The following CDH8 variants were observed in gnomAD, a reference collection of about 807,000 sequenced individuals.
CDH8 encodes the protein cadherin 8, also known as cadherin-8.
CDH8 carries 17 observed loss-of-function variants against 68.1 expected under a neutral mutation model. The observed-to-expected ratio is 0.25, with a 90% CI of 0.17 to 0.37. CDH8 has a LOEUF of 0.37. Ranked by LOEUF, CDH8 falls within the 10% of genes least tolerant of loss-of-function variation. The probability of loss-of-function intolerance (pLI) is 1.00; values close to 1 mark genes in which losing one functional copy is unlikely to be tolerated. For synonymous variants in CDH8, 372 were observed against 365.1 expected (o/e 1.02, Z -0.21); for missense variants, 763 against 999.3 (o/e 0.76, Z 3.19).
At chr16:61,686,749 C>T (rs1430316131) in intron 10 of CDH8, among the ~76,000 whole-genome samples, 1 of 151,876 alleles carries the variant, frequency 6.6e-6, no homozygotes, top group Non-Finnish European at 1.5e-5. Context: ...GAAACCCTGA[C>T]AGAGCTGGGT....
intron 2 of CDH8, among the ~76,000 whole-genome samples, chr16:61,982,747 C>T (rs1444732827): frequency 1.3e-5 from 2 of 152,130 alleles, no homozygotes; most frequent in African/African-American, 4.8e-5. Context: ...GAAAGTAATT[C>T]TCAAGTTTCA....
intron 2 of CDH8, among the ~76,000 whole-genome samples, chr16:61,959,986 A>G (rs199805500): frequency 0.014 from 686 of 49,070 alleles, 34 homozygotes; most frequent in East Asian, 0.046. Context: ...GTGTGTGTGT[A>G]TATATATATA....
intron 10 of CDH8, among the ~76,000 whole-genome samples, chr16:61,659,701 G>C (rs1963519301): frequency 6.6e-6 from 1 of 151,948 alleles, no homozygotes; most frequent in Non-Finnish European, 1.5e-5. Flanking sequence ...CTGCCCTAAG[G>C]TTTAGCTGTC....
intron 9 of CDH8, among the ~76,000 whole-genome samples, chr16:61,719,629 A>G (rs1959202263): frequency 6.6e-6 from 1 of 151,118 alleles, no homozygotes; most frequent in African/African-American, 2.4e-5. Flanking sequence ...ATAGCTTAGA[A>G]GAATCAACAC....
At chr16:61,960,195 A>G (rs202191554) in intron 2 of CDH8, among the ~76,000 whole-genome samples, 6 of 101,542 alleles carry the variant, frequency 5.9e-5, no homozygotes, top group East Asian at 3.3e-4. Flanking sequence ...GTGTGTGTAT[A>G]CACATACATA....
At chr16:61,917,062 AGTGTGTGTGTGTGT>A (rs57232370) in intron 2 of CDH8, among the ~76,000 whole-genome samples, 43 of 137,388 alleles carry the variant, frequency 3.1e-4, no homozygotes, top group African/African-American at 1.0e-3. Context: ...TTTACCTATT[AGTGTGTGTGTGTGT>A]GTGTGTGTGT....
Position 61,916,222 on chromosome 16 carries a change from A to G in CDH8, c.253-14749T>C, listed in dbSNP as rs1259566303. ...TCTTTATCCACTCTGATTATTAAAA[A>G]CATTGTGTCGGCCAGGCATTGTGGC... On this transcript the variant is annotated intron_variant, in intron 2 of 11. Coordinates refer to ENST00000577390, the MANE Select transcript of CDH8 (RefSeq NM_001796.5). Among the ~76,000 whole-genome samples, 3 of 152,196 alleles carry G rather than the reference A, an allele frequency of 2.0e-5. No individual in the cohort carries two copies. The East Asian group carries it at 5.8e-4, about 29-fold the overall frequency.
chr16:61,773,061 G>C (rs182580078), intron 8 of CDH8, among the ~76,000 whole-genome samples: 1 of 152,068 alleles, frequency 6.6e-6, no homozygotes, highest in East Asian at 1.9e-4. Flanking sequence ...ATCCTTAACT[G>C]AATAGGCTTT....
chr16:61,870,582 T>C (rs769744442), intron 3 of CDH8, among the ~76,000 whole-genome samples: 1 of 152,164 alleles, frequency 6.6e-6, no homozygotes, highest in Admixed American at 6.5e-5. Context: ...TTCAGAGGTA[T>C]AGATTTCCCC....
At chr16:61,695,327 C>A (rs907719329) in intron 10 of CDH8, among the ~76,000 whole-genome samples, 1 of 152,116 alleles carries the variant, frequency 6.6e-6, no homozygotes, top group African/African-American at 2.4e-5. Context: ...ATAAGCCCCC[C>A]AAATGTAGCT....
At chr16:61,701,205 TC>T (rs1192469503) in intron 10 of CDH8, among the ~76,000 whole-genome samples, 1 of 152,182 alleles carries the variant, frequency 6.6e-6, no homozygotes, top group African/African-American at 2.4e-5. Flanking sequence ...AGTTCTAATG[TC>T]CCAATTGAAG....
chr16:61,773,913 A>G lies in CDH8; in HGVS notation c.1414+15433T>C, dbSNP rs546422335. On this transcript the variant is annotated intron_variant, in intron 8 of 11. Transcript: ENST00000577390. Reference sequence around the variant, plus strand: ...TGAGTGGAGTAACTGACACCCTGACAGCCCAAATGAGATGGAAGCCAAGTT... The same window carrying G: ...TGAGTGGAGTAACTGACACCCTGACGGCCCAAATGAGATGGAAGCCAAGTT... 5.3e-5 allele frequency among the ~76,000 whole-genome samples: 8 copies of G among 152,156 alleles called. 1 individual carries two copies. The South Asian group carries it at 1.7e-3, about 32-fold the overall frequency.
In CDH8 at chr16:61,875,893, C is replaced by G. The variant is rs374135313; in HGVS notation, c.548-18655G>C. Among the ~76,000 whole-genome samples, 59 of 152,178 alleles carry G rather than the reference C, an allele frequency of 3.9e-4. No individual in the cohort carries two copies. In the South Asian group the frequency reaches 0.01, roughly 26 times the overall value. ...TTTTCTTCTCCCTGCCCCTCCACCC[C>G]CAAGATGGAGTCTCGCTCTGTCACC... On this transcript the variant is annotated intron_variant, in intron 3 of 11. Transcript: ENST00000577390.
intron 10 of CDH8, among the ~76,000 whole-genome samples, chr16:61,674,273 T>C (rs1035223187): frequency 6.6e-6 from 1 of 151,934 alleles, no homozygotes; most frequent in Admixed American, 6.6e-5. Flanking sequence ...GCCAACATGG[T>C]GAAACTCCAT....
intron 2 of CDH8, among the ~76,000 whole-genome samples, chr16:61,963,686 T>C (rs1965196913): frequency 6.6e-6 from 1 of 152,194 alleles, no homozygotes; most frequent in Non-Finnish European, 1.5e-5. Context: ...AATAACAAAC[T>C]ACCCACTTTC....
At chr16:61,988,995 A>C (rs1484607457) in intron 2 of CDH8, among the ~76,000 whole-genome samples, 2 of 152,124 alleles carry the variant, frequency 1.3e-5, no homozygotes, top group Non-Finnish European at 2.9e-5. Context: ...TACAGGCAAG[A>C]CTTGAATAGA....
intron 2 of CDH8, among the ~76,000 whole-genome samples, chr16:61,999,925 T>G (rs985969768): frequency 1.3e-5 from 2 of 152,120 alleles, no homozygotes; most frequent in Non-Finnish European, 2.9e-5. Flanking sequence ...AAGCCCCGCA[T>G]GCATTAGGTA....
At chr16:61,736,147 G>GGAAGGAAGGAAGGAAC (rs1567446571) in intron 8 of CDH8, among the ~76,000 whole-genome samples, 1 of 147,930 alleles carries the variant, frequency 6.8e-6, no homozygotes, top group East Asian at 2.0e-4. Flanking sequence ...AAGGAAGGAA[G>GGAAGGAAGGAAGGAAC]GAAGGAAGGA....
At chr16:62,001,033 A>G (rs1965884764) in intron 2 of CDH8, among the ~76,000 whole-genome samples, 1 of 152,244 alleles carries the variant, frequency 6.6e-6, no homozygotes, top group Non-Finnish European at 1.5e-5. Flanking sequence ...TCCAAGGTCA[A>G]ATAATGGTAA....
Sources: gnomAD v4.1 joint callset for allele counts (sites outside exome capture counted in the v4.1 genomes callset) on GRCh38, gnomAD v4.1.1 for gene constraint, MANE v1.5 for transcripts, NCBI Gene and HGNC (gene_info 2026-07-23, HGNC 2026-07-21) for gene names.